The following ASPH variants were observed in gnomAD, a reference collection of about 807,000 sequenced individuals.
ASPH encodes the protein aspartyl/asparaginyl beta-hydroxylase.
A neutral mutation model predicts 118.4 loss-of-function variants in ASPH; 100 were observed. That is an observed-to-expected ratio of 0.84 (90% CI 0.72 to 1.00). The LOEUF (loss-of-function observed/expected upper bound fraction) is 1.00. Among genes scored for constraint, ASPH ranks in the 50% least tolerant of loss-of-function variants. The probability of loss-of-function intolerance (pLI) is 0.00; values close to 1 mark genes in which losing one functional copy is unlikely to be tolerated. For synonymous variants in ASPH, 315 were observed against 325.6 expected (o/e 0.97, Z 0.35); for missense variants, 920 against 919.5 (o/e 1.00, Z -0.01).
intron 22 of ASPH, among the ~76,000 whole-genome samples, chr8:61,521,439 A>G (rs544838184): frequency 1.3e-5 from 2 of 152,322 alleles, no homozygotes; most frequent in African/African-American, 4.8e-5. Flanking sequence ...TTTTCAGATG[A>G]GGGATTTGAA....
intron 3 of ASPH, chr8:61,662,980 A>C: frequency 1.0e-6 from 1 of 985,446 alleles, no homozygotes; most frequent in South Asian, 4.7e-5. Context: ...AATTACCAGA[A>C]TGCTCTCAAC....
At chr8:61,711,638 G>T (rs983227936) in intron 1 of ASPH, among the ~76,000 whole-genome samples, 14 of 151,290 alleles carry the variant, frequency 9.3e-5, no homozygotes, top group Admixed American at 8.6e-4. Context: ...AAACCACCAA[G>T]ATAAAGTTTG....
At chr8:61,515,010 G>C (rs894975108) in intron 24 of ASPH, among the ~76,000 whole-genome samples, 3 of 138,604 alleles carry the variant, frequency 2.2e-5, no homozygotes, top group Non-Finnish European at 4.7e-5. Context: ...CAGGCAGGCA[G>C]AAAGGAAAGA....
intron 5 of ASPH, among the ~76,000 whole-genome samples, chr8:61,647,671 A>AAAAT (rs1184471621): frequency 3.9e-5 from 6 of 152,120 alleles, no homozygotes; most frequent in Non-Finnish European, 5.9e-5. Context: ...ACTCTGTCTC[A>AAAAT]AAATAAATAA....
chr8:61,544,862 G>C (rs891284314), intron 21 of ASPH, among the ~76,000 whole-genome samples: 1 of 152,144 alleles, frequency 6.6e-6, no homozygotes. Context: ...AAGGGCTTTT[G>C]GCTTTATGCA....
chr8:61,553,694 C>T (rs1363970640), intron 19 of ASPH, among the ~76,000 whole-genome samples: 1 of 151,866 alleles, frequency 6.6e-6, no homozygotes, highest in Non-Finnish European at 1.5e-5. Context: ...TATTCTAAAA[C>T]ATTTACCTAA....
At chr8:61,529,970 A>G (rs1009851264) in intron 21 of ASPH, among the ~76,000 whole-genome samples, 8 of 152,340 alleles carry the variant, frequency 5.3e-5, no homozygotes, top group African/African-American at 9.6e-5. Context: ...TCAAATTTCA[A>G]TAGATGAATG....
chr8:61,617,255 T>C (rs1849362251), intron 14 of ASPH, among the ~76,000 whole-genome samples: 1 of 152,028 alleles, frequency 6.6e-6, no homozygotes, highest in African/African-American at 2.4e-5. Flanking sequence ...TGATTAATGG[T>C]CAAGGAGATG....
At chr8:61,665,269 G>C in intron 3 of ASPH, 1 of 1,598,162 alleles carries the variant, frequency 6.3e-7, no homozygotes, top group Non-Finnish European at 8.5e-7. Flanking sequence ...TTCTTTTCTG[G>C]GTATTTCCCT....
At chr8:61,678,885 G>A (rs997957150) in intron 3 of ASPH, among the ~76,000 whole-genome samples, 1 of 152,050 alleles carries the variant, frequency 6.6e-6, no homozygotes, top group African/African-American at 2.4e-5. Context: ...TATGCTCACT[G>A]TAGTGCTCCC....
rs1804718033 is a variant in ASPH at position 61,500,747 on chromosome 8, T to G, written c.*2612A>C. ...CCAGCCATCTGCATGACATGGGTAT[T>G]TATTAGTATTACCAGTTGGTGCTCA... On this transcript the variant is annotated 3_prime_UTR_variant, in exon 25 of 25. Transcript: ENST00000379454. 1 of 152,220 alleles carries G rather than the reference T, an allele frequency of 6.6e-6. No homozygotes were observed. Among genetic ancestry groups the G allele is most frequent in the Non-Finnish European group, 1.5e-5 (1 of 68,040 alleles). The allele number at this position is 152,220 out of a possible 1,614,324, so 9.4% of individuals were successfully genotyped here. A position where few individuals can be genotyped will look rare whatever the true frequency, so the allele number is the denominator to read the frequency against.
At chr8:61,585,216 C>T (rs768816045) in intron 14 of ASPH, among the ~76,000 whole-genome samples, 1 of 152,166 alleles carries the variant, frequency 6.6e-6, no homozygotes, top group Non-Finnish European at 1.5e-5. Flanking sequence ...GCAAGGCACA[C>T]CCAGCAGGTG....
Position 61,503,222 on chromosome 8 carries a change from G to A in ASPH, c.*137C>T. On this transcript the variant is annotated 3_prime_UTR_variant, in exon 25 of 25. Transcript: ENST00000379454. ...TCCCTTTAGTGTCTTCTGACCCTAG[G>A]AGGAGGCTTTGAATTACTCGGGCTG... 1.9e-6 allele frequency: 2 copies of A among 1,037,942 alleles called. No homozygotes were observed. The highest frequency in any genetic ancestry group is 2.7e-6 in the Non-Finnish European group (2 of 753,882). 64.3% of individuals were successfully genotyped at this position (1,037,942 alleles called of 1,614,324 possible).
intron 3 of ASPH, chr8:61,665,117 T>C: frequency 6.9e-7 from 1 of 1,441,992 alleles, no homozygotes. Flanking sequence ...ATTTACTTGC[T>C]AAGCACCAAT....
chr8:61,605,996 T>C (rs947622483), intron 14 of ASPH, among the ~76,000 whole-genome samples: 1 of 152,244 alleles, frequency 6.6e-6, no homozygotes, highest in Non-Finnish European at 1.5e-5. Flanking sequence ...AATCTGCCTC[T>C]GGCCTCCTTC....
chr8:61,660,599 C>A (rs1403179317), intron 3 of ASPH: 1 of 152,120 alleles, frequency 6.6e-6, no homozygotes, highest in Non-Finnish European at 1.5e-5. Flanking sequence ...GTTCAAGCAC[C>A]TAGATCCAGC....
In ASPH at chr8:61,567,302, G is replaced by C. The variant is rs1832030167; in HGVS notation, c.1166C>G (p.Ala389Gly). ...CACCTCATTACTTCTCCTCTTCTCA[G>C]CCAAATCATCCTCACACTAGAAGAA... ...YGKAQCEDDL[A>G]EKRRSNEVLR... The change falls in exon 17 of 25, where the codon GCT becomes GGT. Residue 389 changes from alanine (A) to glycine (G), a missense_variant. By Grantham distance (60) the Ala-to-Gly change is moderately conservative (BLOSUM62 0). Transcript: ENST00000379454. 1.9e-6 allele frequency: 3 copies of C among 1,613,416 alleles called. No homozygotes were observed. Among genetic ancestry groups the C allele is most frequent in the East Asian group, 2.2e-5 (1 of 44,864 alleles).
At chr8:61,515,202 A>T (rs780277222) in intron 24 of ASPH, among the ~76,000 whole-genome samples, 6 of 152,032 alleles carry the variant, frequency 3.9e-5, no homozygotes, top group Non-Finnish European at 7.4e-5. Context: ...CTCTCATGTG[A>T]TCTCCAAGGA....
chr8:61,607,799 C>T (rs929036329), intron 14 of ASPH, among the ~76,000 whole-genome samples: 2 of 152,152 alleles, frequency 1.3e-5, no homozygotes, highest in Non-Finnish European at 2.9e-5. Flanking sequence ...TGTTTTCCCT[C>T]AAACATCGTC....
Sources: gnomAD v4.1 joint callset for allele counts (sites outside exome capture counted in the v4.1 genomes callset) on GRCh38, gnomAD v4.1.1 for gene constraint, MANE v1.5 for transcripts, NCBI Gene and HGNC (gene_info 2026-07-23, HGNC 2026-07-21) for gene names.